Variants in AP3B1 observed in about 807,000 individuals in gnomAD.
AP3B1 encodes AP-3 complex subunit beta-1.
In AP3B1, 61 loss-of-function variants were observed where a neutral mutation model predicts 132.5. The observed-to-expected ratio is 0.46, with a 90% confidence interval of 0.37 to 0.57. The LOEUF (loss-of-function observed/expected upper bound fraction) is 0.57, where lower values mean the gene tolerates loss of function less well. Among genes scored for constraint, AP3B1 ranks in the 20% least tolerant of loss-of-function variants. The pLI is 0.00. For synonymous variants in AP3B1, 388 were observed against 438.3 expected (o/e 0.89, Z 1.43); for missense variants, 1,120 against 1,289.4 (o/e 0.87, Z 2.01).
At chr5:78,176,053 A>G (rs1366723236) in intron 9 of AP3B1, among the ~76,000 whole-genome samples, 1 of 152,206 alleles carries the variant, frequency 6.6e-6, no homozygotes, top group East Asian at 1.9e-4. Flanking sequence ...ATCATGAAGA[A>G]TAGTTAAAAC....
rs1747103813 is a variant in AP3B1, at chr5:78,240,855, A to G, written c.279+7T>C. ...GGAATCATAAAAATTATAGATCAAAACAGTACCTCAATATTTTTACTGGCC... is the reference window on the plus strand; with the variant it reads ...GGAATCATAAAAATTATAGATCAAAGCAGTACCTCAATATTTTTACTGGCC... On this transcript the variant is annotated splice_region_variant and intron_variant, in intron 3 of 26. Transcript: ENST00000255194. 2 of 1,594,226 alleles carry G rather than the reference A, an allele frequency of 1.3e-6. No individual in the cohort carries two copies. The highest frequency in any genetic ancestry group is 8.6e-7 in the Non-Finnish European group (1 of 1,162,080).
At chr5:78,182,145 T>G (rs1580454297) in intron 7 of AP3B1, among the ~76,000 whole-genome samples, 1 of 152,158 alleles carries the variant, frequency 6.6e-6, no homozygotes, top group East Asian at 1.9e-4. Context: ...GGTCCCTGAG[T>G]TGTCAAGAAA....
chr5:78,001,750 A>ATT (rs1746208079), downstream of AP3B1: 1 of 152,200 alleles, frequency 6.6e-6, no homozygotes, highest in Non-Finnish European at 1.5e-5. Context: ...ATGTGGCTCT[A>ATT]TACAAAAAGA....
intron 7 of AP3B1, among the ~76,000 whole-genome samples, chr5:78,207,225 T>A (rs879667975): frequency 1.4e-5 from 2 of 138,906 alleles, no homozygotes; most frequent in Non-Finnish European, 3.0e-5. Flanking sequence ...GCCACTGTAC[T>A]CCACCTTGGG....
At chr5:78,249,914 T>C (rs1747558676) in intron 2 of AP3B1, among the ~76,000 whole-genome samples, 2 of 152,174 alleles carry the variant, frequency 1.3e-5, no homozygotes, top group Admixed American at 1.3e-4. Flanking sequence ...TGTCTTCAAC[T>C]TCTGGCTCTT....
At chr5:78,125,662 T>A (rs1464578541) in intron 17 of AP3B1, among the ~76,000 whole-genome samples, 1 of 152,214 alleles carries the variant, frequency 6.6e-6, no homozygotes, top group East Asian at 1.9e-4. Flanking sequence ...GAAGCTGTTT[T>A]CTGCATGGCA....
At chr5:78,289,978 C>T (rs914233741) in intron 1 of AP3B1, among the ~76,000 whole-genome samples, 2 of 152,200 alleles carry the variant, frequency 1.3e-5, no homozygotes, top group African/African-American at 4.8e-5. Flanking sequence ...GCAAAAACCT[C>T]AGGCTTTAAG....
At position 78,101,389 on chromosome 5, in the gene AP3B1, C is replaced by A. The variant is rs142511331; in HGVS notation, c.2398-364G>T. 1.3e-3 allele frequency: 553 copies of A among 437,514 alleles called. 2 individuals carry two copies. Among genetic ancestry groups the A allele is most frequent in the African/African-American group, 0.011 (516 of 48,938 alleles). The allele number at this position is 437,514 out of a possible 1,614,324, so 27.1% of individuals were successfully genotyped here. ...TGAAAATAACTTTTAAACAGGTTTA[C>A]TTAAGAAAAAGAAATAACATATGCA... is the stretch of plus-strand genomic sequence containing the variant. On this transcript the variant is annotated intron_variant, in intron 20 of 26. Transcript: ENST00000255194.
chr5:78,218,920 G>A (rs893687084), intron 6 of AP3B1, among the ~76,000 whole-genome samples: 5 of 152,000 alleles, frequency 3.3e-5, no homozygotes, highest in East Asian at 1.9e-4. Context: ...TGGAAAATGG[G>A]AAAGATCAGT....
intron 20 of AP3B1, among the ~76,000 whole-genome samples, chr5:78,102,268 A>G (rs1180846752): frequency 6.6e-6 from 1 of 152,168 alleles, no homozygotes. Flanking sequence ...AAAATTATAC[A>G]TAGGTAACAT....
intron 1 of AP3B1, among the ~76,000 whole-genome samples, chr5:78,287,356 C>T (rs890280651): frequency 2.0e-5 from 3 of 152,090 alleles, no homozygotes; most frequent in African/African-American, 7.2e-5. Flanking sequence ...AACCAACTCT[C>T]CTTCAAGGAG....
chr5:78,217,136 T>TC (rs1174259245), intron 6 of AP3B1, among the ~76,000 whole-genome samples: 1 of 152,108 alleles, frequency 6.6e-6, no homozygotes, highest in East Asian at 1.9e-4. Context: ...GTCTAAAATT[T>TC]CCCCAATGAC....
chr5:78,183,015 G>A (rs1486647322), intron 7 of AP3B1, among the ~76,000 whole-genome samples: 1 of 152,176 alleles, frequency 6.6e-6, no homozygotes, highest in African/African-American at 2.4e-5. Context: ...TGCATAGTCA[G>A]GACTTGCAGC....
chr5:78,087,767 TC>T, intron 22 of AP3B1: 1 of 837,032 alleles, frequency 1.2e-6, no homozygotes, highest in Non-Finnish European at 1.4e-6. Flanking sequence ...GCTTTTCTAA[TC>T]TCAACTGCTT....
chr5:78,175,410 T>G (rs971813896), intron 11 of AP3B1, among the ~76,000 whole-genome samples: 1 of 152,230 alleles, frequency 6.6e-6, no homozygotes, highest in Non-Finnish European at 1.5e-5. Context: ...CTGTGAGTTA[T>G]TCAAGTTGTA....
intron 17 of AP3B1, among the ~76,000 whole-genome samples, chr5:78,119,666 G>T (rs1305927018): frequency 2.0e-5 from 3 of 152,180 alleles, no homozygotes; most frequent in Non-Finnish European, 2.9e-5. Context: ...AACGAACAAA[G>T]CCTCCAAGAA....
At chr5:78,278,629 G>GAAAAAAAAAA (rs1561217293) in intron 1 of AP3B1, among the ~76,000 whole-genome samples, 1 of 76,792 alleles carries the variant, frequency 1.3e-5, no homozygotes, top group African/African-American at 3.7e-5. Flanking sequence ...AAAAAAAGGG[G>GAAAAAAAAAA]GGGGGGGACT....
intron 2 of AP3B1, among the ~76,000 whole-genome samples, chr5:78,260,382 A>G (rs1238569652): frequency 6.6e-6 from 1 of 152,010 alleles, no homozygotes; most frequent in East Asian, 1.9e-4. Context: ...AGGTCAGATC[A>G]CCAGAGGTCA....
chr5:78,136,628 A>T (rs1752921839), intron 15 of AP3B1, among the ~76,000 whole-genome samples: 1 of 152,142 alleles, frequency 6.6e-6, no homozygotes, highest in South Asian at 2.1e-4. Context: ...TTTCTTCCAT[A>T]AGCAAACCTC....
Sources: allele counts gnomAD v4.1 joint callset (sites outside exome capture counted in the v4.1 genomes callset), GRCh38; gene constraint gnomAD v4.1.1; transcripts MANE v1.5; gene names NCBI Gene and HGNC (gene_info 2026-07-23, HGNC 2026-07-21).